NEXMIF: variants seen among roughly 807,000 people sequenced by gnomAD.
NEXMIF encodes XLMR protein related to neurite extension.
NEXMIF carries 8 observed loss-of-function variants against 62.1 expected under a neutral mutation model. The observed-to-expected ratio is 0.13, with a 90% CI of 0.08 to 0.23. NEXMIF has a LOEUF of 0.23. NEXMIF is among the 10% of genes least tolerant of loss of function. The pLI, the probability that NEXMIF is intolerant of heterozygous loss-of-function variation, is 1.00. For synonymous variants in NEXMIF, 404 were observed against 416.6 expected, an observed-to-expected ratio of 0.97 and a Z score of 0.37; for missense variants, 976 against 1,113.3, an observed-to-expected ratio of 0.88 and a Z score of 1.75.
chrX:74,877,030 C>G (rs188605890), intron 1 of NEXMIF, among the ~76,000 whole-genome samples: 8 of 111,638 alleles, frequency 7.2e-5, no homozygotes, highest in Non-Finnish European at 1.5e-4. Context: ...TTGATCCTGT[C>G]TTTACGATGT....
intron 1 of NEXMIF, among the ~76,000 whole-genome samples, chrX:74,871,168 C>T (rs960321030): frequency 7.2e-5 from 8 of 111,005 alleles, no homozygotes; most frequent in Admixed American, 9.6e-5. Context: ...AAGTGTCGGC[C>T]GGTCTGAGAA....
At chrX:74,754,336 T>A (rs1483160419) in intron 1 of NEXMIF, among the ~76,000 whole-genome samples, 1 of 104,025 alleles carries the variant, frequency 9.6e-6, no homozygotes, top group Non-Finnish European at 2.0e-5. Context: ...TGAGACGGAG[T>A]CTCACTCTAT....
At chrX:74,874,039 T>C (rs1478936933) in intron 1 of NEXMIF, among the ~76,000 whole-genome samples, 8 of 110,206 alleles carry the variant, frequency 7.3e-5, no homozygotes, top group African/African-American at 2.6e-4. Flanking sequence ...GCCATTGCTT[T>C]TGGTGTTTTA....
At chrX:74,748,173 C>T (rs1271028783) in intron 1 of NEXMIF, among the ~76,000 whole-genome samples, 2 of 111,742 alleles carry the variant, frequency 1.8e-5, no homozygotes, top group Non-Finnish European at 3.8e-5. Context: ...AATTAATTAC[C>T]TCATAAGTTT....
intron 1 of NEXMIF, among the ~76,000 whole-genome samples, chrX:74,791,889 G>A (rs753404585): frequency 1.2e-3 from 133 of 110,891 alleles, no homozygotes; most frequent in African/African-American, 3.8e-3. Flanking sequence ...TCTTGATAGC[G>A]GTCTATCAAT....
At chrX:74,808,593 G>A (rs968097945) in intron 1 of NEXMIF, among the ~76,000 whole-genome samples, 13 of 111,955 alleles carry the variant, frequency 1.2e-4, no homozygotes, top group Non-Finnish European at 2.3e-4. Flanking sequence ...AAATAAGTTA[G>A]GAAGTATTCC....
At chrX:74,823,847 T>C (rs976131787) in intron 1 of NEXMIF, among the ~76,000 whole-genome samples, 1 of 111,521 alleles carries the variant, frequency 9.0e-6, no homozygotes, top group African/African-American at 3.3e-5. Flanking sequence ...GGAAGGTGTA[T>C]ACAGGAGTTC....
In NEXMIF at chrX:74,734,836, C is replaced by A. The variant is rs1432015744; in HGVS notation, c.*4569G>T. 1 of 111,928 alleles carries A rather than the reference C, an allele frequency of 8.9e-6. No individual in the cohort carries two copies. Among genetic ancestry groups the A allele is most frequent in the African/African-American group, 3.3e-5 (1 of 30,703 alleles). The allele number at this position is 111,928 out of a possible 1,213,427, so 9.2% of individuals were successfully genotyped here. ...TGTTTAATGCTGAGTAAAAAATGTG[C>A]CTTAAAGGGTAGCCTGAGTCCTGTC... On this transcript the variant is annotated 3_prime_UTR_variant, in exon 4 of 4. Coordinates refer to ENST00000055682, the MANE Select transcript of NEXMIF (RefSeq NM_001008537.3).
intron 1 of NEXMIF, among the ~76,000 whole-genome samples, chrX:74,896,991 C>A (rs2080734889): frequency 8.9e-6 from 1 of 112,176 alleles, no homozygotes; most frequent in South Asian, 3.7e-4. Context: ...CAATTGATAT[C>A]TACTAGCATA....
intron 1 of NEXMIF, among the ~76,000 whole-genome samples, chrX:74,878,011 G>A (rs2080644465): frequency 8.9e-6 from 1 of 112,258 alleles, no homozygotes; most frequent in Admixed American, 9.4e-5. Flanking sequence ...TCTCCATCCA[G>A]CTTTATTCCA....
At chrX:74,835,778 C>T (rs958701803) in intron 1 of NEXMIF, among the ~76,000 whole-genome samples, 2 of 111,443 alleles carry the variant, frequency 1.8e-5, no homozygotes, top group Non-Finnish European at 3.8e-5. Context: ...CTACCACCCA[C>T]ATTTACTCAA....
Position 74,741,482 on chromosome X carries a change from G to A in NEXMIF, c.3075C>T (p.Asp1025=), listed in dbSNP as rs762980830. The A allele has an allele frequency of 2.5e-6, 3 of 1,211,666 alleles. No homozygotes were observed. In the South Asian group the frequency reaches 5.3e-5, roughly 21 times the overall value. ...GCTTAGGGCTGCAATGGGCCAGGAA[G>A]TCATCAGTGATATCATCATCGCCAT... The part of the protein sequence containing the change: ...EKDGDDDITD[D]FLAHCSPKLV... Residue 1025 remains aspartate (D), a synonymous_variant, in exon 3 of 4, where the codon GAC becomes GAT. Transcript: ENST00000055682.
At chrX:74,771,057 C>A (rs1397351592) in intron 1 of NEXMIF, among the ~76,000 whole-genome samples, 3 of 111,811 alleles carry the variant, frequency 2.7e-5, no homozygotes, top group Non-Finnish European at 3.8e-5. Context: ...ATACTCTATA[C>A]CTTTATCAAA....
chrX:74,796,231 T>TATATATATATATACACATATA (rs2080309973), intron 1 of NEXMIF, among the ~76,000 whole-genome samples: 2 of 53,303 alleles, frequency 3.8e-5, no homozygotes, highest in Non-Finnish European at 6.3e-5. Flanking sequence ...ACATATATAA[T>TATATATATATATACACATATA]ATATATATAT....
chrX:74,912,575 T>C (rs1397669636), intron 1 of NEXMIF, among the ~76,000 whole-genome samples: 3 of 111,212 alleles, frequency 2.7e-5, no homozygotes, highest in Admixed American at 1.9e-4. Context: ...CCCATATTTC[T>C]CTAGATAGAA....
intron 1 of NEXMIF, among the ~76,000 whole-genome samples, chrX:74,763,328 C>G (rs1251616784): frequency 1.8e-5 from 2 of 111,519 alleles, no homozygotes; most frequent in Admixed American, 1.9e-4. Context: ...TGGTCTATAT[C>G]TCTGTTTTGG....
chrX:74,872,396 T>C (rs1356104972), intron 1 of NEXMIF, among the ~76,000 whole-genome samples: 1 of 89,965 alleles, frequency 1.1e-5, no homozygotes, highest in Non-Finnish European at 2.1e-5. Flanking sequence ...CACATAGGGA[T>C]AGACAGCAGA....
At chrX:74,854,228 A>T (rs2080525905) in intron 1 of NEXMIF, among the ~76,000 whole-genome samples, 1 of 112,308 alleles carries the variant, frequency 8.9e-6, no homozygotes, top group Non-Finnish European at 1.9e-5. Context: ...ATAATACACC[A>T]TGATCAAATG....
intron 1 of NEXMIF, among the ~76,000 whole-genome samples, chrX:74,861,681 AGCT>A (rs1483359600): frequency 8.9e-6 from 1 of 111,859 alleles, no homozygotes; most frequent in Non-Finnish European, 1.9e-5. Flanking sequence ...AGAGATTGGG[AGCT>A]AATATTCAAC....
Sources: gnomAD v4.1 joint callset for allele counts (sites outside exome capture counted in the v4.1 genomes callset) on GRCh38, gnomAD v4.1.1 for gene constraint, MANE v1.5 for transcripts, NCBI Gene and HGNC (gene_info 2026-07-23, HGNC 2026-07-21) for gene names.